SYT9: variants seen among roughly 807,000 people sequenced by gnomAD.
SYT9 encodes the protein synaptotagmin 9.
In SYT9, 22 loss-of-function variants were observed where a neutral mutation model predicts 48.4. The observed-to-expected ratio is 0.45, with a 90% CI of 0.32 to 0.65. The LOEUF is 0.65. SYT9 is among the 30% of genes least tolerant of loss of function. The pLI, the probability that SYT9 is intolerant of heterozygous loss-of-function variation, is 0.03. For missense variants in SYT9, 577 were observed against 622.0 expected (o/e 0.93, Z 0.77); for synonymous variants, 265 against 245.0 (o/e 1.08, Z -0.76).
intron 1 of SYT9, among the ~76,000 whole-genome samples, chr11:7,298,264 A>T (rs1339007373): frequency 6.6e-6 from 1 of 151,792 alleles, no homozygotes; most frequent in Non-Finnish European, 1.5e-5. Context: ...TTTGCTTTCT[A>T]TTTAATTTTT....
intron 6 of SYT9, among the ~76,000 whole-genome samples, chr11:7,450,777 T>G (rs559954162): frequency 6.6e-6 from 1 of 152,270 alleles, no homozygotes; most frequent in East Asian, 1.9e-4. Context: ...TCTCTTGCCC[T>G]CTCCCTGGAA....
chr11:7,362,166 A>C (rs576097761), intron 3 of SYT9, among the ~76,000 whole-genome samples: 1 of 135,902 alleles, frequency 7.4e-6, no homozygotes, highest in African/African-American at 2.8e-5. Context: ...TTTTTTTGAG[A>C]TGGAGTCTCC....
At chr11:7,249,198 A>G (rs970728912), upstream of SYT9, among the ~76,000 whole-genome samples, 5 of 152,242 alleles carry the variant, frequency 3.3e-5, no homozygotes, top group African/African-American at 1.2e-4. Flanking sequence ...CTATAGCAGT[A>G]TCTCACTTCC....
At chr11:7,407,390 T>C (rs1420444350) in intron 3 of SYT9, among the ~76,000 whole-genome samples, 3 of 36,238 alleles carry the variant, frequency 8.3e-5, no homozygotes, top group Non-Finnish European at 9.4e-5. Flanking sequence ...TTTTTTTTTT[T>C]TGAGACGGAG....
At chr11:7,393,755 T>G (rs1189223409) in intron 3 of SYT9, among the ~76,000 whole-genome samples, 1 of 152,128 alleles carries the variant, frequency 6.6e-6, no homozygotes, top group African/African-American at 2.4e-5. Flanking sequence ...TTTTTATTAC[T>G]GATTCAATTT....
intron 6 of SYT9, among the ~76,000 whole-genome samples, chr11:7,424,642 A>G (rs535588516): frequency 6.6e-6 from 1 of 152,324 alleles, no homozygotes; most frequent in East Asian, 1.9e-4. Flanking sequence ...GTTAAATGAA[A>G]TTTCACTTTT....
At chr11:7,387,949 G>C (rs1332220403) in intron 3 of SYT9, among the ~76,000 whole-genome samples, 1 of 152,062 alleles carries the variant, frequency 6.6e-6, no homozygotes, top group Non-Finnish European at 1.5e-5. Flanking sequence ...AACTGAGATT[G>C]AACTGTAATT....
intron 6 of SYT9, among the ~76,000 whole-genome samples, chr11:7,455,964 A>AT (rs1848144678): frequency 6.6e-6 from 1 of 152,054 alleles, no homozygotes; most frequent in South Asian, 2.1e-4. Flanking sequence ...AAAGTCCTAC[A>AT]TAATCCTCAG....
chr11:7,414,359 A>G (rs1028099827), intron 3 of SYT9, among the ~76,000 whole-genome samples: 1 of 152,224 alleles, frequency 6.6e-6, no homozygotes, highest in African/African-American at 2.4e-5. Context: ...TGAAGAGCAA[A>G]GTGGGCCAGG....
At chr11:7,243,580 A>G (rs1184441417) in intron 1 of SYT9, among the ~76,000 whole-genome samples, 1 of 151,746 alleles carries the variant, frequency 6.6e-6, no homozygotes, top group South Asian at 2.1e-4. Context: ...GATTACTAAA[A>G]CTCTTCTTTA....
intron 3 of SYT9, among the ~76,000 whole-genome samples, chr11:7,321,456 GAAGAT>G (rs1849336549): frequency 6.6e-6 from 1 of 152,172 alleles, no homozygotes; most frequent in Admixed American, 6.6e-5. Context: ...CTCTGTGATT[GAAGAT>G]ATTTATTAAT....
At chr11:7,391,572 G>A (rs1411956918) in intron 3 of SYT9, among the ~76,000 whole-genome samples, 3 of 151,542 alleles carry the variant, frequency 2.0e-5, no homozygotes, top group Non-Finnish European at 4.4e-5. Flanking sequence ...TTTTAATTAT[G>A]TTTATTGAAT....
chr11:7,460,101 G>C (rs189725735), intron 6 of SYT9, among the ~76,000 whole-genome samples: 280 of 152,304 alleles, frequency 1.8e-3, no homozygotes, highest in African/African-American at 6.4e-3. Flanking sequence ...ACCTGCCTCA[G>C]AGGATTGTGG....
At chr11:7,288,262 G>T (rs566925911) in intron 1 of SYT9, among the ~76,000 whole-genome samples, 10 of 146,178 alleles carry the variant, frequency 6.8e-5, no homozygotes, top group Admixed American at 5.5e-4. Flanking sequence ...TTGGTATTTG[G>T]TAAAACTATG....
At chr11:7,319,380 T>C (rs1379944208) in intron 3 of SYT9, among the ~76,000 whole-genome samples, 4 of 150,414 alleles carry the variant, frequency 2.7e-5, no homozygotes, top group Non-Finnish European at 5.9e-5. Flanking sequence ...TGAGTTACTT[T>C]GATTTTGCCA....
chr11:7,325,267 T>C (rs1278803226), intron 3 of SYT9, among the ~76,000 whole-genome samples: 1 of 143,898 alleles, frequency 6.9e-6, no homozygotes, highest in Non-Finnish European at 1.5e-5. Flanking sequence ...TTCCATTTGT[T>C]TGTATCCTCT....
chr11:7,319,996 TATTGCAAGAAAC>T (rs1184641700), intron 3 of SYT9, among the ~76,000 whole-genome samples: 1 of 152,200 alleles, frequency 6.6e-6, no homozygotes, highest in Non-Finnish European at 1.5e-5. Context: ...TATTCAAACC[TATTGCAAGAAAC>T]ACTGCTATAT....
chr11:7,246,827 T>C (rs141553237), intron 1 of SYT9, among the ~76,000 whole-genome samples: 9 of 152,360 alleles, frequency 5.9e-5, no homozygotes, highest in Middle Eastern at 3.4e-3. Context: ...GAGAGGTCCA[T>C]GGCCTCACTC....
chr11:7,329,487 T>C (rs1564864556), intron 3 of SYT9, among the ~76,000 whole-genome samples: 1 of 152,124 alleles, frequency 6.6e-6, no homozygotes, highest in Non-Finnish European at 1.5e-5. Flanking sequence ...AATTATAAAA[T>C]ATATGACTCG....
Sources: allele counts gnomAD v4.1 joint callset (sites outside exome capture counted in the v4.1 genomes callset), GRCh38; gene constraint gnomAD v4.1.1; transcripts MANE v1.5; gene names NCBI Gene and HGNC (gene_info 2026-07-23, HGNC 2026-07-21).